The following EML6 variants were observed in gnomAD, a reference collection of about 807,000 sequenced individuals.
EML6 encodes EMAP like 6.
EML6 carries 154 observed loss-of-function variants against 240.1 expected under a neutral mutation model. The ratio of observed to expected loss-of-function variants is 0.64; its 90% confidence interval spans 0.56 to 0.73. The LOEUF (loss-of-function observed/expected upper bound fraction) is 0.73. Ranked by LOEUF, EML6 falls within the 30% of genes least tolerant of loss-of-function variation. The pLI is 0.00. For synonymous variants in EML6, 1,148 were observed against 899.0 expected (o/e 1.28, Z -4.95); for missense variants, 2,964 against 2,474.6 (o/e 1.20, Z -4.20).
At chr2:54,845,303 T>G (rs78870649) in intron 8 of EML6, among the ~76,000 whole-genome samples, 1,625 of 152,334 alleles carry the variant, frequency 0.011, 39 homozygotes, top group African/African-American at 0.038. Flanking sequence ...TCTCCTTTTT[T>G]GTTTTTGTCT....
chr2:54,910,965 C>T lies in EML6; in HGVS notation c.3421C>T (p.Gln1141Ter). ...IDWDSRGKLL[Q>*]VNSGAREQLF... The stretch of plus-strand genomic sequence containing the variant: ...TTCTGTCGTAACAGGAAAATTATTG[C>T]AAGTGAATTCAGGTGCCAGAGAACA... The change falls in exon 25 of 42, where the codon CAA (glutamine) becomes TAA (stop). Residue 1141 changes from glutamine to a stop codon, truncating the protein, a stop_gained. Coordinates refer to ENST00000356458, the MANE Select transcript of EML6 (RefSeq NM_001039753.4). LOFTEE classifies it high-confidence loss of function. 1.3e-6 allele frequency: 2 copies of T among 1,529,002 alleles called. No individual in the cohort carries two copies. Among genetic ancestry groups the T allele is most frequent in the Non-Finnish European group, 1.8e-6 (2 of 1,130,172 alleles). 94.7% of individuals were successfully genotyped at this position (1,529,002 alleles called of 1,614,324 possible). A position where few individuals can be genotyped will look rare whatever the true frequency, so the allele number is the denominator to read the frequency against.
chr2:54,783,270 T>G (rs1019200188), intron 2 of EML6, among the ~76,000 whole-genome samples: 7 of 152,350 alleles, frequency 4.6e-5, no homozygotes, highest in African/African-American at 1.7e-4. Context: ...TGCATATTTC[T>G]TTTTTATTGT....
chr2:54,912,584 C>T (rs1000143231), intron 25 of EML6, among the ~76,000 whole-genome samples: 6 of 152,136 alleles, frequency 3.9e-5, no homozygotes, highest in African/African-American at 1.4e-4. Flanking sequence ...CCCCAGGAAT[C>T]CCCAGTATCT....
Position 54,953,880 on chromosome 2 carries a change from C to G in EML6, c.4313-103C>G, listed in dbSNP as rs1343906460. On this transcript the variant is annotated intron_variant, in intron 31 of 41. Transcript: ENST00000356458. ...CTGGCCTGGGCAACAGAGCAAGACT[C>G]TGTCTAAAAAAAAAAAAAAAAAGGC... The G allele has an allele frequency of 1.3e-5, 12 of 935,166 alleles. No individual in the cohort carries two copies. The Admixed American group carries it at 3.4e-4, about 27-fold the overall frequency. The allele number at this position is 935,166 out of a possible 1,614,324, so 57.9% of individuals were successfully genotyped here.
intron 2 of EML6, among the ~76,000 whole-genome samples, chr2:54,768,115 T>C (rs1391760458): frequency 6.6e-6 from 1 of 152,270 alleles, no homozygotes; most frequent in African/African-American, 2.4e-5. Flanking sequence ...TACCTCCTCA[T>C]TGGTGATATC....
At chr2:54,814,169 C>T (rs530549502) in intron 3 of EML6, among the ~76,000 whole-genome samples, 3 of 152,130 alleles carry the variant, frequency 2.0e-5, no homozygotes, top group South Asian at 2.1e-4. Context: ...GACTTTTATC[C>T]GTTGTGCCCT....
At position 54,917,071 on chromosome 2, in the gene EML6, C is replaced by A. The variant is rs550989911; in HGVS notation, c.3675+136C>A. 5 of 638,100 alleles carry A rather than the reference C, an allele frequency of 7.8e-6. No homozygotes were observed. The African/African-American group carries it at 9.1e-5, about 12-fold the overall frequency. 39.5% of individuals were successfully genotyped at this position (638,100 alleles called of 1,614,324 possible). A position where few individuals can be genotyped will look rare whatever the true frequency, so the allele number is the denominator to read the frequency against. ...GAGTATTATTTATGCTGTATAAAAACCTCCCTGACATTGTGTTTGAGTGAC... is the reference window on the plus strand; with the variant it reads ...GAGTATTATTTATGCTGTATAAAAAACTCCCTGACATTGTGTTTGAGTGAC... On this transcript the variant is annotated intron_variant, in intron 26 of 41. Transcript: ENST00000356458.
In EML6 at chr2:54,957,771, G is replaced by A. The variant is rs1203414586; in HGVS notation, c.4487-19G>A. The A allele has an allele frequency of 1.9e-6, 3 of 1,549,162 alleles. No homozygotes were observed. The highest frequency in any genetic ancestry group is 2.6e-6 in the Non-Finnish European group (3 of 1,146,584). ...CATGAAGCAATGAGGAGCCTCACTG[G>A]ACTCTGTCACCCACACAGGTGCCAA... On this transcript the variant is annotated intron_variant, in intron 32 of 41. Coordinates refer to ENST00000356458, the MANE Select transcript of EML6 (RefSeq NM_001039753.4).
In EML6 at chr2:54,957,864, C is replaced by T; in HGVS notation, c.4561C>T (p.Gln1521Ter). The T allele has an allele frequency of 1.3e-6, 2 of 1,551,326 alleles. No homozygotes were observed. The highest frequency in any genetic ancestry group is 1.7e-6 in the Non-Finnish European group (2 of 1,147,014). The part of the protein sequence containing the change: ...VVEFRPDSDT[Q>*]FVSVGVKHMK... ...GGAATTTCGCCCCGACTCAGACACG[C>T]AGTTTGTATCTGTCGGGGTCAAACA... Residue 1521 changes from glutamine to a stop codon, truncating the protein, a stop_gained, in exon 33 of 42, where the codon CAG becomes TAG. Transcript: ENST00000356458. LOFTEE classifies it high-confidence loss of function.
chr2:54,799,107 C>G (rs983956726), intron 2 of EML6, among the ~76,000 whole-genome samples: 5 of 152,202 alleles, frequency 3.3e-5, no homozygotes, highest in Admixed American at 6.5e-5. Flanking sequence ...GTCTCCCAGG[C>G]TGGAGTGCAG....
At chr2:54,824,894 G>A (rs1668513544) in intron 5 of EML6, among the ~76,000 whole-genome samples, 1 of 152,160 alleles carries the variant, frequency 6.6e-6, no homozygotes, top group African/African-American at 2.4e-5. Flanking sequence ...TTAATGATGT[G>A]TTGCTACCCT....
chr2:54,924,084 A>G (rs1328656445), intron 26 of EML6, among the ~76,000 whole-genome samples: 1 of 152,216 alleles, frequency 6.6e-6, no homozygotes, highest in Non-Finnish European at 1.5e-5. Flanking sequence ...GAACATTTTT[A>G]GACAAGTCTT....
intron 7 of EML6, among the ~76,000 whole-genome samples, chr2:54,838,326 G>A (rs2103627870): frequency 6.6e-6 from 1 of 152,280 alleles, no homozygotes; most frequent in South Asian, 2.1e-4. Context: ...TCATTCCTCA[G>A]TGCCAGACAC....
rs140361382 is a variant in EML6, at chr2:54,970,539, C to CTAAG, written c.*446_*449dup. The CTAAG allele has an allele frequency of 5.9e-6, 1 of 168,408 alleles. No homozygotes were observed. Among genetic ancestry groups the CTAAG allele is most frequent in the African/African-American group, 2.4e-5 (1 of 42,062 alleles). The allele number at this position is 168,408 out of a possible 1,614,324, so 10.4% of individuals were successfully genotyped here. Reference sequence around the variant, plus strand: ...TTACAAATAAGTTGAACAAGACAGCCTAAGTTAGATGCACCGAAGTACTAG... The same window carrying CTAAG: ...TTACAAATAAGTTGAACAAGACAGCCTAAGTAAGTTAGATGCACCGAAGTACTAG... On this transcript the variant is annotated 3_prime_UTR_variant, in exon 42 of 42. Transcript: ENST00000356458.
chr2:54,841,586 C>CT (rs3038252), intron 7 of EML6, among the ~76,000 whole-genome samples: 2,215 of 118,854 alleles, frequency 0.019, 70 homozygotes, highest in African/African-American at 0.031. Flanking sequence ...TTTGTCTTGG[C>CT]TTTTTTTTTT....
intron 2 of EML6, among the ~76,000 whole-genome samples, chr2:54,743,882 CAT>C (rs775743721): frequency 1.3e-5 from 2 of 152,098 alleles, no homozygotes; most frequent in African/African-American, 2.4e-5. Flanking sequence ...TCATCTTGCA[CAT>C]ATCTTTGAAA....
At chr2:54,843,842 C>T (rs1379938653) in intron 7 of EML6, among the ~76,000 whole-genome samples, 1 of 36,710 alleles carries the variant, frequency 2.7e-5, no homozygotes, top group African/African-American at 8.2e-5. Flanking sequence ...AAGACTCCAT[C>T]TCAAAAAAAA....
At chr2:54,941,688 G>C (rs1309079360) in intron 28 of EML6, among the ~76,000 whole-genome samples, 1 of 152,214 alleles carries the variant, frequency 6.6e-6, no homozygotes, top group East Asian at 1.9e-4. Flanking sequence ...CTGAGAGTTG[G>C]TACAGAGATC....
intron 14 of EML6, chr2:54,867,109 G>T: frequency 5.5e-6 from 2 of 361,208 alleles, no homozygotes; most frequent in South Asian, 1.4e-4. Context: ...ATTGTCTCTA[G>T]ATTTCTCAGA....
Sources: gnomAD v4.1 joint callset for allele counts (sites outside exome capture counted in the v4.1 genomes callset) on GRCh38, gnomAD v4.1.1 for gene constraint, MANE v1.5 for transcripts, NCBI Gene and HGNC (gene_info 2026-07-23, HGNC 2026-07-21) for gene names.